Variants in FRMD5 observed in about 807,000 individuals in gnomAD.
The protein encoded by FRMD5 is FERM domain containing 5, also known as FERM domain-containing protein 5.
A neutral mutation model predicts 69.0 loss-of-function variants in FRMD5; 20 were observed. That is an observed-to-expected ratio of 0.29 (90% CI 0.20 to 0.42). The LOEUF is 0.42. Among genes scored for constraint, FRMD5 ranks in the 10% least tolerant of loss-of-function variants. The pLI, the probability that FRMD5 is intolerant of heterozygous loss-of-function variation, is 1.00. For missense variants in FRMD5, 595 were observed against 708.6 expected (o/e 0.84, Z 1.82); for synonymous variants, 271 against 260.1 (o/e 1.04, Z -0.40).
intron 1 of FRMD5, among the ~76,000 whole-genome samples, chr15:44,150,607 C>A (rs552710942): frequency 6.3e-4 from 95 of 151,860 alleles, no homozygotes; most frequent in African/African-American, 2.3e-3. Context: ...CAGTGAGAGA[C>A]CCTGTCTCTA....
chr15:44,135,977 A>T (rs1183275649), intron 1 of FRMD5, among the ~76,000 whole-genome samples: 1 of 152,146 alleles, frequency 6.6e-6, no homozygotes, highest in Admixed American at 6.5e-5. Flanking sequence ...TTTGGGTCGC[A>T]GTAAGTAATG....
At chr15:44,119,298 AT>A (rs1224690965) in intron 1 of FRMD5, among the ~76,000 whole-genome samples, 2 of 152,100 alleles carry the variant, frequency 1.3e-5, no homozygotes, top group East Asian at 3.9e-4. Context: ...ATTTATTACC[AT>A]TTATAAGAAA....
intron 1 of FRMD5, among the ~76,000 whole-genome samples, chr15:43,933,263 T>C (rs1472179299): frequency 2.0e-5 from 3 of 152,266 alleles, no homozygotes; most frequent in East Asian, 3.9e-4. Context: ...GGAGGCAAGA[T>C]AGGAGGCAGA....
chr15:44,147,419 C>A (rs955993090), intron 1 of FRMD5, among the ~76,000 whole-genome samples: 2 of 152,046 alleles, frequency 1.3e-5, no homozygotes, highest in African/African-American at 4.8e-5. Context: ...ATGCCTCCAG[C>A]TTTGTTCTTT....
At chr15:43,969,234 A>G (rs2090340141) in intron 1 of FRMD5, among the ~76,000 whole-genome samples, 1 of 151,794 alleles carries the variant, frequency 6.6e-6, no homozygotes, top group Non-Finnish European at 1.5e-5. Flanking sequence ...GGCGTACACC[A>G]CCACATCCAT....
At chr15:43,916,525 A>T (rs2089390376) in intron 4 of FRMD5, among the ~76,000 whole-genome samples, 1 of 152,176 alleles carries the variant, frequency 6.6e-6, no homozygotes, top group Non-Finnish European at 1.5e-5. Context: ...GTGTATTAAG[A>T]AGTGTAAGAG....
At chr15:44,199,269 T>C (rs377517105), upstream of FRMD5, among the ~76,000 whole-genome samples, 44 of 152,300 alleles carry the variant, frequency 2.9e-4, 1 homozygote, top group African/African-American at 1.0e-3. Flanking sequence ...AAGTGTAACT[T>C]GGACGTATGA....
At chr15:43,897,346 G>A (rs1450633166) in intron 7 of FRMD5, among the ~76,000 whole-genome samples, 2 of 151,902 alleles carry the variant, frequency 1.3e-5, no homozygotes, top group Admixed American at 1.3e-4. Flanking sequence ...AATTAGCTGG[G>A]CGTGGTAGTG....
chr15:44,097,528 T>C (rs1250967257), intron 1 of FRMD5, among the ~76,000 whole-genome samples: 2 of 152,200 alleles, frequency 1.3e-5, no homozygotes, highest in South Asian at 2.1e-4. Context: ...GAGCAGACTA[T>C]AGGGAAGCTC....
chr15:44,035,142 G>A (rs1247787137), intron 1 of FRMD5, among the ~76,000 whole-genome samples: 9 of 152,128 alleles, frequency 5.9e-5, no homozygotes, highest in Non-Finnish European at 1.2e-4. Flanking sequence ...CAAAGAGCCT[G>A]CAATCATGGT....
intron 1 of FRMD5, among the ~76,000 whole-genome samples, chr15:44,012,440 G>A (rs1389371386): frequency 6.6e-6 from 1 of 152,188 alleles, no homozygotes. Context: ...CAAGTCTATA[G>A]TAGAATACGG....
At chr15:44,076,869 A>C (rs1398567243) in intron 1 of FRMD5, among the ~76,000 whole-genome samples, 1 of 152,074 alleles carries the variant, frequency 6.6e-6, no homozygotes, top group African/African-American at 2.4e-5. Flanking sequence ...GTCATCTCTC[A>C]GTCTGAGATG....
chr15:44,125,880 G>C (rs144631193), intron 1 of FRMD5, among the ~76,000 whole-genome samples: 26 of 152,260 alleles, frequency 1.7e-4, no homozygotes, highest in Non-Finnish European at 3.4e-4. Flanking sequence ...TGACTTCAGG[G>C]AAGCACATTG....
intron 1 of FRMD5, among the ~76,000 whole-genome samples, chr15:44,148,819 T>C (rs1196931901): frequency 6.6e-6 from 1 of 152,202 alleles, no homozygotes; most frequent in African/African-American, 2.4e-5. Context: ...TATTCCAATA[T>C]TTGCTTTATT....
At chr15:44,131,158 C>A (rs2140419306) in intron 1 of FRMD5, among the ~76,000 whole-genome samples, 2 of 152,090 alleles carry the variant, frequency 1.3e-5, no homozygotes, top group Middle Eastern at 3.4e-3. Context: ...AGACATTTCT[C>A]CAAAGAAGAT....
At chr15:44,142,342 AAGAAGTGAGAT>A (rs1207159195) in intron 1 of FRMD5, among the ~76,000 whole-genome samples, 7 of 152,194 alleles carry the variant, frequency 4.6e-5, no homozygotes, top group African/African-American at 1.2e-4. Context: ...AAGCTTTTCA[AAGAAGTGAGAT>A]AGAAGTGAGA....
chr15:43,943,220 C>T (rs2089890819), intron 1 of FRMD5, among the ~76,000 whole-genome samples: 2 of 151,922 alleles, frequency 1.3e-5, no homozygotes, highest in Admixed American at 1.3e-4. Flanking sequence ...CCAGCCTGGG[C>T]AACAACAGTG....
chr15:44,124,178 A>C (rs950732700), intron 1 of FRMD5, among the ~76,000 whole-genome samples: 2 of 151,726 alleles, frequency 1.3e-5, no homozygotes, highest in African/African-American at 4.8e-5. Context: ...TTTTTAGTAG[A>C]GATGGGGTTT....
intron 1 of FRMD5, among the ~76,000 whole-genome samples, chr15:43,974,614 T>C (rs1047829787): frequency 1.3e-5 from 2 of 152,204 alleles, no homozygotes; most frequent in Non-Finnish European, 2.9e-5. Context: ...TTGGTGATTC[T>C]GGTTCCTGAC....
Sources: allele counts gnomAD v4.1 joint callset (sites outside exome capture counted in the v4.1 genomes callset), GRCh38; gene constraint gnomAD v4.1.1; transcripts MANE v1.5; gene names NCBI Gene and HGNC (gene_info 2026-07-23, HGNC 2026-07-21).